The following SMOC1 variants were observed in gnomAD, a reference collection of about 807,000 sequenced individuals.
SMOC1 encodes the protein SPARC related modular calcium binding 1, also known as SPARC-related modular calcium-binding protein 1.
In SMOC1, 22 loss-of-function variants were observed where a neutral mutation model predicts 56.3. The observed-to-expected ratio is 0.39, with a 90% confidence interval of 0.28 to 0.56. The LOEUF is 0.56. Ranked by LOEUF, SMOC1 falls within the 20% of genes least tolerant of loss-of-function variation. The pLI is 0.61. For synonymous variants in SMOC1, 193 were observed against 215.0 expected (o/e 0.90, Z 0.89); for missense variants, 509 against 565.4 (o/e 0.90, Z 1.01).
intron 1 of SMOC1, among the ~76,000 whole-genome samples, chr14:69,922,665 T>G (rs1007115709): frequency 6.6e-6 from 1 of 152,250 alleles, no homozygotes; most frequent in African/African-American, 2.4e-5. Flanking sequence ...TGCCAAGATC[T>G]CTAGGTGATC....
intron 2 of SMOC1, among the ~76,000 whole-genome samples, chr14:69,952,979 C>T (rs542097978): frequency 1.8e-4 from 28 of 152,114 alleles, no homozygotes; most frequent in Non-Finnish European, 2.4e-4. Flanking sequence ...TTTGTGACCC[C>T]GGACTGCTTA....
At chr14:69,961,228 A>G (rs1883358173) in intron 3 of SMOC1, among the ~76,000 whole-genome samples, 1 of 141,648 alleles carries the variant, frequency 7.1e-6, no homozygotes, top group Non-Finnish European at 1.5e-5. Flanking sequence ...TGTAGCATGA[A>G]TCAGTACTTC....
intron 1 of SMOC1, among the ~76,000 whole-genome samples, chr14:69,912,615 G>GGTCCCA: frequency 6.6e-6 from 1 of 152,294 alleles, no homozygotes; most frequent in African/African-American, 2.4e-5. Flanking sequence ...AGAGGTGATA[G>GGTCCCA]GTGGCCAGGG....
chr14:69,923,106 G>A (rs942834795), intron 1 of SMOC1, among the ~76,000 whole-genome samples: 4 of 151,790 alleles, frequency 2.6e-5, no homozygotes, highest in African/African-American at 4.8e-5. Context: ...CACTACACCC[G>A]GCTAATTTTT....
intron 10 of SMOC1, among the ~76,000 whole-genome samples, chr14:70,022,831 C>T (rs922236033): frequency 1.1e-4 from 17 of 152,170 alleles, no homozygotes; most frequent in African/African-American, 2.9e-4. Flanking sequence ...GCAGCTTGTC[C>T]GCAGTGAGTG....
At chr14:69,896,487 A>G (rs1403926615) in intron 1 of SMOC1, among the ~76,000 whole-genome samples, 1 of 152,262 alleles carries the variant, frequency 6.6e-6, no homozygotes, top group East Asian at 1.9e-4. Flanking sequence ...AGGAAGCTCA[A>G]TAAATGTTAA....
Position 69,963,097 on chromosome 14 carries a change from A to C in SMOC1, c.378+9565A>C, listed in dbSNP as rs572128913. On this transcript the variant is annotated intron_variant, in intron 3 of 11. Coordinates refer to ENST00000361956, the MANE Select transcript of SMOC1 (RefSeq NM_001034852.3). ...ATGTCTAGTCCTATGCCAGTGCCAC[A>C]CTCTACTGATTACTATAACCTTGTA... is the stretch of plus-strand genomic sequence containing the variant. Among the ~76,000 whole-genome samples the C allele has an allele frequency of 2.2e-4, 34 of 151,996 alleles. 2 individuals are homozygous for C. The South Asian group carries it at 7.1e-3, about 32-fold the overall frequency.
intron 6 of SMOC1, among the ~76,000 whole-genome samples, 182 bp downstream of exon 6, chr14:69,992,655 G>T (rs1449013662): frequency 6.6e-6 from 1 of 152,206 alleles, no homozygotes; most frequent in Non-Finnish European, 1.5e-5. Context: ...CCCAGGAATT[G>T]GTACACTCTC....
At position 69,913,893 on chromosome 14, in the gene SMOC1, GC is replaced by G. The variant is rs548972805; in HGVS notation, c.99+34117del. Among the ~76,000 whole-genome samples the G allele has an allele frequency of 2.0e-4, 31 of 152,342 alleles. No homozygotes were observed. The South Asian group carries it at 6.2e-3, about 31-fold the overall frequency. On this transcript the variant is annotated intron_variant, in intron 1 of 11. Transcript: ENST00000361956. Reference sequence around the variant, plus strand: ...GCTCATTCCTTGCCTGTTTAGAGAAGCTTTTTAGAGTATATGTCTTCTGTCT... The same window carrying G: ...GCTCATTCCTTGCCTGTTTAGAGAAGTTTTTAGAGTATATGTCTTCTGTCT...
At position 70,030,464 on chromosome 14, in the gene SMOC1, A is replaced by G. The variant is rs2061841851; in HGVS notation, c.*206A>G. 1 of 543,974 alleles carries G rather than the reference A, an allele frequency of 1.8e-6. No individual in the cohort carries two copies. Among genetic ancestry groups the G allele is most frequent in the African/African-American group, 1.9e-5 (1 of 51,630 alleles). The allele number at this position is 543,974 out of a possible 1,614,324, so 33.7% of individuals were successfully genotyped here. On this transcript the variant is annotated 3_prime_UTR_variant, in exon 12 of 12. Coordinates refer to ENST00000361956, the MANE Select transcript of SMOC1 (RefSeq NM_001034852.3). Reference sequence around the variant, plus strand: ...CCAATATCTAATACCACAGTGGGAAAAGGAAAGGGAAGAAAGACTTTATTC... The same window carrying G: ...CCAATATCTAATACCACAGTGGGAAGAGGAAAGGGAAGAAAGACTTTATTC...
chr14:69,919,214 C>T (rs1884766420), intron 1 of SMOC1, among the ~76,000 whole-genome samples: 1 of 152,198 alleles, frequency 6.6e-6, no homozygotes, highest in Non-Finnish European at 1.5e-5. Flanking sequence ...AAAAGAGCTA[C>T]ATCAAGCAAC....
intron 7 of SMOC1, among the ~76,000 whole-genome samples, chr14:70,000,699 C>G (rs189754361): frequency 4.6e-5 from 7 of 152,328 alleles, no homozygotes; most frequent in Admixed American, 4.6e-4. Flanking sequence ...CCTGTAGGAA[C>G]TCAGTCTCTG....
chr14:69,996,346 A>G (rs77439281), intron 7 of SMOC1, among the ~76,000 whole-genome samples: 1,633 of 152,324 alleles, frequency 0.011, 35 homozygotes, highest in African/African-American at 0.038. Flanking sequence ...TCTTGTCTCC[A>G]TCTTGCAGAT....
intron 10 of SMOC1, among the ~76,000 whole-genome samples, chr14:70,021,144 G>A (rs575891200): frequency 6.6e-6 from 1 of 152,320 alleles, no homozygotes; most frequent in South Asian, 2.1e-4. Flanking sequence ...GGGCTGAGCA[G>A]GAAGGTCCCT....
At chr14:69,924,985 G>A (rs1406584701) in intron 1 of SMOC1, among the ~76,000 whole-genome samples, 1 of 25,102 alleles carries the variant, frequency 4.0e-5, no homozygotes, top group Non-Finnish European at 8.5e-5. Flanking sequence ...AGGAGGAGAG[G>A]TAGGGGAGGT....
intron 6 of SMOC1, among the ~76,000 whole-genome samples, chr14:69,993,492 C>T (rs751380056): frequency 3.9e-5 from 6 of 152,114 alleles, no homozygotes; most frequent in Non-Finnish European, 7.4e-5. Flanking sequence ...CTAAGCGTAT[C>T]CAGCCCTGGA....
Position 69,879,577 on chromosome 14 carries a change from CG to C in SMOC1, c.-101del. 8.5e-6 allele frequency: 8 copies of C among 937,870 alleles called. No homozygotes were observed. The highest frequency in any genetic ancestry group is 1.1e-5 in the Non-Finnish European group (8 of 696,148). The allele number at this position is 937,870 out of a possible 1,614,324, so 58.1% of individuals were successfully genotyped here. A position where few individuals can be genotyped will look rare whatever the true frequency, so the allele number is the denominator to read the frequency against. ...CGCAGGACCACGGCCCGCTCCCCGCCGCCGCGAGGGCCCCGAGCGAAGGAAG... is the reference window on the plus strand; with the variant it reads ...CGCAGGACCACGGCCCGCTCCCCGCCCCGCGAGGGCCCCGAGCGAAGGAAG... On this transcript the variant is annotated 5_prime_UTR_variant, in exon 1 of 12. Transcript: ENST00000361956.
chr14:70,022,818 T>A (rs1885779528), intron 10 of SMOC1, among the ~76,000 whole-genome samples: 1 of 152,222 alleles, frequency 6.6e-6, no homozygotes, highest in African/African-American at 2.4e-5. Flanking sequence ...TTACGTGTAA[T>A]GAGCAGCTTG....
intron 1 of SMOC1, among the ~76,000 whole-genome samples, chr14:69,902,936 C>G (rs1280991404): frequency 2.6e-5 from 4 of 152,216 alleles, no homozygotes; most frequent in African/African-American, 7.2e-5. Flanking sequence ...GTTGCCTAGG[C>G]TGGAGTGCAG....
Sources: allele counts gnomAD v4.1 joint callset (sites outside exome capture counted in the v4.1 genomes callset), GRCh38; gene constraint gnomAD v4.1.1; transcripts MANE v1.5; gene names NCBI Gene and HGNC (gene_info 2026-07-23, HGNC 2026-07-21).